The following HTRA3 variants were observed in gnomAD, a reference collection of about 807,000 sequenced individuals.
HTRA3 encodes the protein serine protease HTRA3.
Under a neutral mutation model 43.2 loss-of-function variants are expected in HTRA3, and 41 were observed. The ratio of observed to expected loss-of-function variants is 0.95; its 90% CI spans 0.74 to 1.23. The LOEUF (loss-of-function observed/expected upper bound fraction) is 1.23. Ranked by LOEUF, HTRA3 falls within the 50% of genes most tolerant of loss-of-function variation. HTRA3 has a pLI of 0.00. For synonymous variants in HTRA3, 295 were observed against 287.9 expected, an observed-to-expected ratio of 1.02 and a Z score of -0.25; for missense variants, 628 against 647.1, an observed-to-expected ratio of 0.97 and a Z score of 0.32.
Position 8,279,398 on chromosome 4 carries a change from A to G in HTRA3, c.386-3039A>G, listed in dbSNP as rs545770863. On this transcript the variant is annotated intron_variant, in intron 1 of 8. Transcript: ENST00000307358. This position sits in a 1 kb window ranked among gnomAD's most constrained non-coding sequence, Gnocchi z 7.4. ...ATAAAATCGAGTGTCACCTATTTTA[A>G]GTGACCTCTGGGAGACCACACTGGG... Among the ~76,000 whole-genome samples, 16 of 152,340 alleles carry G rather than the reference A, an allele frequency of 1.1e-4. No homozygotes were observed. The East Asian group carries it at 1.9e-3, about 18-fold the overall frequency.
In HTRA3 at chr4:8,286,334, C is replaced by T. The variant is rs367683768; in HGVS notation, c.486-227C>T. Among the ~76,000 whole-genome samples, 8 of 152,106 alleles carry T rather than the reference C, an allele frequency of 5.3e-5. No homozygotes were observed. Among genetic ancestry groups the T allele is most frequent in the African/African-American group, 1.9e-4 (8 of 41,432 alleles). ...CCTGTCTCATCTCAGCAAATTGCAG[C>T]GAGAGGTGATCATCATCACCTCTTT... is the stretch of plus-strand genomic sequence containing the variant. On this transcript the variant is annotated intron_variant, in intron 2 of 8. Coordinates refer to ENST00000307358, the MANE Select transcript of HTRA3 (RefSeq NM_053044.5). The surrounding 1 kb of genome is among the most constrained non-coding windows in gnomAD (Gnocchi z 4.9).
chr4:8,299,508 A>G (rs544609678), intron 6 of HTRA3, among the ~76,000 whole-genome samples: 2 of 152,282 alleles, frequency 1.3e-5, no homozygotes, highest in Non-Finnish European at 2.9e-5. Flanking sequence ...CTTCCAGTAA[A>G]ATATTGAATG....
chr4:8,304,297 A>C lies in HTRA3; in HGVS notation c.1196+18A>C. ...TCTCAGAGGTAGGCTCTGCCAGAGG[A>C]GATCGCTCGAGGCATGGGGCAGGCG... is the stretch of plus-strand genomic sequence containing the variant. On this transcript the variant is annotated intron_variant, in intron 8 of 8. Coordinates refer to ENST00000307358, the MANE Select transcript of HTRA3 (RefSeq NM_053044.5). 3.1e-6 allele frequency: 5 copies of C among 1,605,154 alleles called. No individual in the cohort carries two copies. Among genetic ancestry groups the C allele is most frequent in the Non-Finnish European group, 4.3e-6 (5 of 1,172,164 alleles).
At position 8,286,035 on chromosome 4, in the gene HTRA3, T is replaced by A. The variant is rs1246829583; in HGVS notation, c.486-526T>A. 6.6e-6 allele frequency among the ~76,000 whole-genome samples: 1 copy of A among 152,216 alleles called. No homozygotes were observed. Among genetic ancestry groups the A allele is most frequent in the East Asian group, 1.9e-4 (1 of 5,198 alleles). On this transcript the variant is annotated intron_variant, in intron 2 of 8. Transcript: ENST00000307358. The surrounding 1 kb of genome is among the most constrained non-coding windows in gnomAD (Gnocchi z 4.9). The stretch of plus-strand genomic sequence containing the variant: ...TGCTGCAGCCCTGCAGGATGCTGTG[T>A]GTGCAATGGGGCTTTTCCCCTAGGG...
Position 8,302,566 on chromosome 4 carries a change from T to C in HTRA3, c.1100+55T>C, listed in dbSNP as rs1364485696. 12 of 1,555,894 alleles carry C rather than the reference T, an allele frequency of 7.7e-6. No homozygotes were observed. In the African/African-American group the frequency reaches 1.6e-4, roughly 21 times the overall value. On this transcript the variant is annotated intron_variant, in intron 7 of 8. Transcript: ENST00000307358. ...TACCCCTTCCTCTCATCCCTCACCC[T>C]GACCCTCCCTCCAGACCCTGGCTGG...
rs1168419386 is a variant in HTRA3 at position 8,297,090 on chromosome 4, G to A, written c.1051+2889G>A. ...GCCAAAAGGTTCCCTGGTCTCAGAA[G>A]CCATAAGGTCCCTTGGTCTCAGGCC... On this transcript the variant is annotated intron_variant, in intron 6 of 8. Coordinates refer to ENST00000307358, the MANE Select transcript of HTRA3 (RefSeq NM_053044.5). This position sits in a 1 kb window ranked among gnomAD's most constrained non-coding sequence, Gnocchi z 5.8. 2.0e-5 allele frequency among the ~76,000 whole-genome samples: 3 copies of A among 152,070 alleles called. No homozygotes were observed. Among genetic ancestry groups the A allele is most frequent in the African/African-American group, 7.2e-5 (3 of 41,416 alleles).
At position 8,304,120 on chromosome 4, in the gene HTRA3, A is replaced by C. The variant is rs558428042; in HGVS notation, c.1101-64A>C. The C allele has an allele frequency of 2.2e-6, 3 of 1,348,804 alleles. No homozygotes were observed. The South Asian group carries it at 3.7e-5, about 16-fold the overall frequency. The allele number at this position is 1,348,804 out of a possible 1,614,324, so 83.6% of individuals were successfully genotyped here. Reference sequence around the variant, plus strand: ...TCTGGTGCTGGAGGGAGGGAGGGGCAGCTTCATACCAAAGAGCTGGGCAAA... The same window carrying C: ...TCTGGTGCTGGAGGGAGGGAGGGGCCGCTTCATACCAAAGAGCTGGGCAAA... On this transcript the variant is annotated intron_variant, in intron 7 of 8. Coordinates refer to ENST00000307358, the MANE Select transcript of HTRA3 (RefSeq NM_053044.5).
At position 8,294,171 on chromosome 4, in the gene HTRA3, C is replaced by T. The variant is rs1374693711; in HGVS notation, c.1021C>T (p.Leu341Phe). 2 of 1,612,310 alleles carry T rather than the reference C, an allele frequency of 1.2e-6. No individual in the cohort carries two copies. The highest frequency in any genetic ancestry group is 2.2e-5 in the East Asian group (1 of 44,784). ...CCCCTCAGACCGCATCACACGGTTCCTCACAGAGTTCCAAGACAAGCAGAT... is the reference window on the plus strand; with the variant it reads ...CCCCTCAGACCGCATCACACGGTTCTTCACAGAGTTCCAAGACAAGCAGAT... ...AIPSDRITRF[L>F]TEFQDKQIKD... is the part of the protein sequence containing the mutation. The change falls in exon 6 of 9, where the codon CTC (leucine) becomes TTC (phenylalanine). Residue 341 changes from leucine to phenylalanine, a missense_variant. By Grantham distance (22) the Leu-to-Phe change is conservative. Transcript: ENST00000307358.
chr4:8,281,240 C>T (rs1413043886), intron 1 of HTRA3, among the ~76,000 whole-genome samples: 1 of 152,218 alleles, frequency 6.6e-6, no homozygotes, highest in Non-Finnish European at 1.5e-5. Flanking sequence ...TGCCTTTGGA[C>T]GATCCAGAAA....
At chr4:8,299,910 G>GC (rs1713579796) in intron 6 of HTRA3, among the ~76,000 whole-genome samples, 1 of 150,448 alleles carries the variant, frequency 6.6e-6, no homozygotes, top group Non-Finnish European at 1.5e-5. Flanking sequence ...TGTGATCTTG[G>GC]CTCCCTGCAA....
chr4:8,275,770 T>C (rs539130752), intron 1 of HTRA3, among the ~76,000 whole-genome samples: 1 of 152,324 alleles, frequency 6.6e-6, no homozygotes, highest in South Asian at 2.1e-4. Flanking sequence ...CAACACATCA[T>C]TGGGGTATTG....
chr4:8,290,036 A>G (rs1008274432), intron 3 of HTRA3, among the ~76,000 whole-genome samples: 1 of 152,142 alleles, frequency 6.6e-6, no homozygotes, highest in African/African-American at 2.4e-5. Context: ...CAGAGATTTC[A>G]GACGTTATTT....
chr4:8,279,461 G>C lies in HTRA3; in HGVS notation c.386-2976G>C, dbSNP rs1712654321. Among the ~76,000 whole-genome samples, 1 of 152,178 alleles carries C rather than the reference G, an allele frequency of 6.6e-6. No homozygotes were observed. Among genetic ancestry groups the C allele is most frequent in the South Asian group, 2.1e-4 (1 of 4,820 alleles). ...CCGGTGGAGGCCGCAGTGCTGTGCA[G>C]ATCTTCAGGCTGCCGCGTCAGAGCT... On this transcript the variant is annotated intron_variant, in intron 1 of 8. Coordinates refer to ENST00000307358, the MANE Select transcript of HTRA3 (RefSeq NM_053044.5). The surrounding 1 kb of genome is among the most constrained non-coding windows in gnomAD (Gnocchi z 7.4).
chr4:8,291,314 C>T (rs946398598), intron 3 of HTRA3, 56 bp from the exon 4 acceptor site: 67 of 1,491,044 alleles, frequency 4.5e-5, no homozygotes, highest in South Asian at 2.1e-4. Context: ...CTCCGGTCCC[C>T]GCTGAAGGTA....
intron 1 of HTRA3, 137 bp from the exon 2 acceptor site, chr4:8,282,300 G>T (rs1239901059): frequency 8.1e-5 from 56 of 692,578 alleles, no homozygotes; most frequent in Admixed American, 5.0e-4. Context: ...AACGGGCTCA[G>T]TGTGGGCTGA....
rs2153004322 is a variant in HTRA3 at position 8,279,392 on chromosome 4, AT to A, written c.386-3041del. ...TCCCCTATAAAATCGAGTGTCACCTATTTTAAGTGACCTCTGGGAGACCACA... is the reference window on the plus strand; with the variant it reads ...TCCCCTATAAAATCGAGTGTCACCTATTTAAGTGACCTCTGGGAGACCACA... On this transcript the variant is annotated intron_variant, in intron 1 of 8. Coordinates refer to ENST00000307358, the MANE Select transcript of HTRA3 (RefSeq NM_053044.5). The surrounding 1 kb of genome is among the most constrained non-coding windows in gnomAD (Gnocchi z 7.4). Among the ~76,000 whole-genome samples the A allele has an allele frequency of 6.6e-6, 1 of 152,310 alleles. No homozygotes were observed. Among genetic ancestry groups the A allele is most frequent in the South Asian group, 2.1e-4 (1 of 4,818 alleles).
At chr4:8,290,597 G>T (rs183343938) in intron 3 of HTRA3, among the ~76,000 whole-genome samples, 1 of 152,242 alleles carries the variant, frequency 6.6e-6, no homozygotes, top group East Asian at 1.9e-4. Context: ...TACGAGCACA[G>T]AACCGCCTTC....
Position 8,286,686 on chromosome 4 carries a change from A to T in HTRA3, c.611A>T (p.Gln204Leu), listed in dbSNP as rs747645670. ...SSNSAAPGRQ[Q>L]LKVQLQNGDS... ...AACAGTGCTGCCCCGGGCAGGCAGCAGCTCAAGGTGCAGCTACAGAATGGG... is the reference window on the plus strand; with the variant it reads ...AACAGTGCTGCCCCGGGCAGGCAGCTGCTCAAGGTGCAGCTACAGAATGGG... The change falls in exon 3 of 9, where the codon CAG becomes CTG. Residue 204 changes from glutamine to leucine, a missense_variant. Gln to Leu is a moderately radical substitution (Grantham distance 113). Transcript: ENST00000307358. This position sits in a 1 kb window ranked among gnomAD's most constrained non-coding sequence, Gnocchi z 4.9. 32 of 1,614,060 alleles carry T rather than the reference A, an allele frequency of 2.0e-5. No individual in the cohort carries two copies. The highest frequency in any genetic ancestry group is 2.4e-5 in the Non-Finnish European group (28 of 1,180,014).
chr4:8,306,076 G>A lies in HTRA3; in HGVS notation c.1302G>A (p.Leu434=), dbSNP rs1713836058. The change falls in exon 9 of 9, where the codon CTG becomes CTA. Residue 434 remains leucine (L), a synonymous_variant. Coordinates refer to ENST00000307358, the MANE Select transcript of HTRA3 (RefSeq NM_053044.5). The surrounding 1 kb of genome is among the most constrained non-coding windows in gnomAD (Gnocchi z 8.9). ...TGCTGACCGAGTCTCCTCTCCTACT[G>A]GAGGTGCGGCGGGGGAACGACGACC... ...EAVLTESPLL[L]EVRRGNDDLL... 1.9e-6 allele frequency: 3 copies of A among 1,611,054 alleles called. No homozygotes were observed. Among genetic ancestry groups the A allele is most frequent in the Non-Finnish European group, 1.7e-6 (2 of 1,178,004 alleles).
Sources: allele counts gnomAD v4.1 joint callset (sites outside exome capture counted in the v4.1 genomes callset), GRCh38; gene constraint gnomAD v4.1.1; non-coding constraint Gnocchi (gnomAD v3.1); transcripts MANE v1.5; gene names NCBI Gene and HGNC (gene_info 2026-07-23, HGNC 2026-07-21).